Variants in NUMB observed in about 807,000 individuals in gnomAD.
The protein encoded by NUMB is NUMB endocytic adaptor protein.
A neutral mutation model predicts 59.7 loss-of-function variants in NUMB; 29 were observed. The ratio of observed to expected loss-of-function variants is 0.49; its 90% CI spans 0.36 to 0.66. The LOEUF is 0.66. Ranked by LOEUF, NUMB falls within the 30% of genes least tolerant of loss-of-function variation. The probability of loss-of-function intolerance (pLI) is 0.00; values close to 1 mark genes in which losing one functional copy is unlikely to be tolerated. For synonymous variants in NUMB, 288 were observed against 288.2 expected (o/e 1.00, Z 0.01); for missense variants, 723 against 822.0 (o/e 0.88, Z 1.47).
chr14:73,278,040 C>T (rs1046789585), intron 12 of NUMB, among the ~76,000 whole-genome samples: 23 of 90,358 alleles, frequency 2.5e-4, no homozygotes, highest in African/African-American at 3.5e-4. Flanking sequence ...AGCGAGACTC[C>T]GTCTCAAAAA....
Position 73,419,533 on chromosome 14 carries a change from T to C in NUMB, c.-232-9465A>G, listed in dbSNP as rs181802110. On this transcript the variant is annotated intron_variant, in intron 1 of 12. Coordinates refer to ENST00000555238, the MANE Select transcript of NUMB (RefSeq NM_001005743.2). The stretch of plus-strand genomic sequence containing the variant: ...CAAAATAAATAAATAAATAAATGAA[T>C]AAATAAGGAAAACCTCAAGAGATAT... Among the ~76,000 whole-genome samples the C allele has an allele frequency of 2.0e-5, 3 of 151,952 alleles. No homozygotes were observed. The East Asian group carries it at 5.8e-4, about 29-fold the overall frequency.
intron 1 of NUMB, among the ~76,000 whole-genome samples, chr14:73,443,927 G>C (rs79162693): frequency 0.053 from 7,801 of 146,166 alleles, 652 homozygotes; most frequent in African/African-American, 0.19. Context: ...TTATTTTTGA[G>C]ACAAAGTCTC....
chr14:73,352,509 TATATATATATATATA>T lies in NUMB; in HGVS notation c.126+3102_126+3116del, dbSNP rs1566756276. ...ATATATATATATATATATATATATA[TATATATATATATATA>T]TATATGTTTTTTTTTTTTTTTTTTT... On this transcript the variant is annotated intron_variant, in intron 4 of 12. Transcript: ENST00000555238. Among the ~76,000 whole-genome samples, 36 of 17,676 alleles carry T rather than the reference TATATATATATATATA, an allele frequency of 2.0e-3. 3 individuals carry two copies. The highest frequency in any genetic ancestry group is 2.5e-3 in the Non-Finnish European group (29 of 11,676). 11.6% of individuals were successfully genotyped at this position (17,676 alleles called of 152,430 possible). A position where few individuals can be genotyped will look rare whatever the true frequency, so the allele number is the denominator to read the frequency against.
chr14:73,310,397 CTG>C lies in NUMB; in HGVS notation c.234+5991_234+5992del, dbSNP rs1890715692. Reference sequence around the variant, plus strand: ...TTTGCAACTAATTCAAATTTATAAACTGTGTGCAGGCCATACAATCCATGTTT... The same window carrying C: ...TTTGCAACTAATTCAAATTTATAAACTGTGCAGGCCATACAATCCATGTTT... On this transcript the variant is annotated intron_variant, in intron 6 of 12. Transcript: ENST00000555238. Among the ~76,000 whole-genome samples, 4 of 152,274 alleles carry C rather than the reference CTG, an allele frequency of 2.6e-5. No homozygotes were observed. The South Asian group carries it at 8.3e-4, about 32-fold the overall frequency.
At chr14:73,278,340 T>G (rs891632649) in intron 12 of NUMB, among the ~76,000 whole-genome samples, 4 of 151,756 alleles carry the variant, frequency 2.6e-5, no homozygotes, top group Admixed American at 6.6e-5. Context: ...GCCAACATGG[T>G]GACACCCCAT....
At position 73,324,413 on chromosome 14, in the gene NUMB, C is replaced by CT. The variant is rs367795826; in HGVS notation, c.127-1210dup. Among the ~76,000 whole-genome samples the CT allele has an allele frequency of 4.0e-4, 61 of 151,348 alleles. 1 individual carries two copies. The highest frequency in any genetic ancestry group is 2.6e-3 in the Admixed American group (40 of 15,172). On this transcript the variant is annotated intron_variant, in intron 4 of 12. Transcript: ENST00000555238. ...TGTACAAACACATAATAAATTTTGCCTTTTTTTTTCCCTGCTAATCTATCT... is the reference window on the plus strand; with the variant it reads ...TGTACAAACACATAATAAATTTTGCCTTTTTTTTTTCCCTGCTAATCTATCT...
chr14:73,284,412 C>G (rs1888839408), intron 9 of NUMB, 38 bp from the exon 10 acceptor site: 2 of 1,559,090 alleles, frequency 1.3e-6, no homozygotes, highest in Non-Finnish European at 1.7e-6. Context: ...TTAGCAATGT[C>G]TTCAAATAAT....
intron 2 of NUMB, among the ~76,000 whole-genome samples, chr14:73,379,105 T>C (rs1463146372): frequency 1.3e-5 from 2 of 152,188 alleles, no homozygotes; most frequent in Non-Finnish European, 2.9e-5. Context: ...CAAGGAGCAA[T>C]GGAACCATAT....
intron 4 of NUMB, among the ~76,000 whole-genome samples, chr14:73,340,213 C>A (rs1435696976): frequency 6.6e-6 from 1 of 152,232 alleles, no homozygotes; most frequent in African/African-American, 2.4e-5. Context: ...TGTAAACGAG[C>A]TTTCCAACCT....
intron 2 of NUMB, among the ~76,000 whole-genome samples, chr14:73,386,867 A>ATTTTTTTTTTTTTTTTTT (rs71112745): frequency 2.5e-5 from 2 of 79,838 alleles, no homozygotes; most frequent in Admixed American, 1.8e-4. Flanking sequence ...CAGGTGTCTT[A>ATTTTTTTTTTTTTTTTTT]TTTTTTTTTT....
intron 3 of NUMB, among the ~76,000 whole-genome samples, chr14:73,356,380 T>C (rs1893781579): frequency 6.6e-6 from 1 of 152,310 alleles, no homozygotes; most frequent in Admixed American, 6.5e-5. Flanking sequence ...CAATGGCTCA[T>C]GCCTGTAATC....
intron 2 of NUMB, among the ~76,000 whole-genome samples, chr14:73,368,219 T>G (rs1894471145): frequency 1.3e-5 from 2 of 152,130 alleles, no homozygotes; most frequent in South Asian, 2.1e-4. Context: ...TATTAAATAT[T>G]TGATGTACAA....
intron 4 of NUMB, among the ~76,000 whole-genome samples, chr14:73,325,971 TCTC>T (rs1196321972): frequency 6.6e-6 from 1 of 152,038 alleles, no homozygotes; most frequent in African/African-American, 2.4e-5. Flanking sequence ...TTCTCTCTGA[TCTC>T]CTGCCATTTG....
At chr14:73,440,175 C>T (rs964913439) in intron 1 of NUMB, among the ~76,000 whole-genome samples, 3 of 150,602 alleles carry the variant, frequency 2.0e-5, no homozygotes, top group Admixed American at 2.0e-4. Context: ...TCAACTAATG[C>T]TGCTGGGACA....
At position 73,406,037 on chromosome 14, in the gene NUMB, A is replaced by G. The variant is rs118190026; in HGVS notation, c.-101+3900T>C. 7.4e-3 allele frequency among the ~76,000 whole-genome samples: 1,127 copies of G among 152,224 alleles called. 35 individuals are homozygous for G. Among genetic ancestry groups the G allele is most frequent in the Admixed American group, 0.048 (738 of 15,284 alleles). ...CTGAATTTATATGGAACCACAACCC[A>G]CAGAAGATTAAAACAAAAATACCAA... On this transcript the variant is annotated intron_variant, in intron 2 of 12. Transcript: ENST00000555238.
chr14:73,390,102 C>T (rs1228083449), intron 2 of NUMB, among the ~76,000 whole-genome samples: 1 of 151,956 alleles, frequency 6.6e-6, no homozygotes, highest in Admixed American at 6.6e-5. Context: ...TTTCTAGGGG[C>T]TATACTAAGG....
intron 1 of NUMB, among the ~76,000 whole-genome samples, chr14:73,412,097 A>T (rs1275087727): frequency 2.0e-5 from 3 of 151,532 alleles, no homozygotes; most frequent in Non-Finnish European, 2.9e-5. Flanking sequence ...CCTAATTTTT[A>T]AAAAATTTTT....
At chr14:73,409,651 C>T (rs1392507600) in intron 2 of NUMB, 2 of 152,184 alleles carry the variant, frequency 1.3e-5, no homozygotes, top group Admixed American at 6.5e-5. Flanking sequence ...CTTTGTTACA[C>T]AGCAATAGAT....
At chr14:73,313,963 G>T (rs758252613) in intron 6 of NUMB, among the ~76,000 whole-genome samples, 1 of 152,040 alleles carries the variant, frequency 6.6e-6, no homozygotes, top group Non-Finnish European at 1.5e-5. Context: ...GGCACATGCC[G>T]AGGCGGGCAG....
Sources: allele counts gnomAD v4.1 joint callset (sites outside exome capture counted in the v4.1 genomes callset), GRCh38; gene constraint gnomAD v4.1.1; transcripts MANE v1.5; gene names NCBI Gene and HGNC (gene_info 2026-07-23, HGNC 2026-07-21).